HERC1: variants seen among roughly 807,000 people sequenced by gnomAD.
The protein encoded by HERC1 is probable E3 ubiquitin-protein ligase HERC1.
Under a neutral mutation model 554.3 loss-of-function variants are expected in HERC1, and 160 were observed. The ratio of observed to expected loss-of-function variants is 0.29; its 90% CI spans 0.25 to 0.33. The LOEUF is 0.33. Among genes scored for constraint, HERC1 ranks in the 10% least tolerant of loss-of-function variants. The pLI is 1.00. For missense variants in HERC1, 4,919 were observed against 5,918.5 expected, an observed-to-expected ratio of 0.83 and a Z score of 5.54; for synonymous variants, 2,175 against 2,131.7, an observed-to-expected ratio of 1.02 and a Z score of -0.56.
chr15:63,615,760 C>A lies in HERC1; in HGVS notation c.14094+8G>T. On this transcript the variant is annotated splice_region_variant and intron_variant, in intron 76 of 77. Coordinates refer to ENST00000443617, the MANE Select transcript of HERC1 (RefSeq NM_003922.4). ...TTCATGTGTACCTCCCGAGATGTTT[C>A]ATCTCACCTGTCTGTCCATCTCATG... The A allele has an allele frequency of 6.3e-7, 1 of 1,574,898 alleles. No individual in the cohort carries two copies. Among genetic ancestry groups the A allele is most frequent in the Non-Finnish European group, 8.6e-7 (1 of 1,164,584 alleles).
intron 1 of HERC1, among the ~76,000 whole-genome samples, chr15:63,823,958 A>G (rs78501477): frequency 0.011 from 1,611 of 152,326 alleles, 22 homozygotes; most frequent in African/African-American, 0.037. Context: ...ATAGCAAAAA[A>G]CAAAAATGAA....
At chr15:63,762,436 G>A (rs530295951) in intron 3 of HERC1, among the ~76,000 whole-genome samples, 1 of 152,206 alleles carries the variant, frequency 6.6e-6, no homozygotes, top group South Asian at 2.1e-4. Context: ...CAATTCTCCT[G>A]CCTCAGCCTC....
In HERC1 at chr15:63,634,010, C is replaced by T. The variant is rs757816023; in HGVS notation, c.12571-40G>A. 1.1e-5 allele frequency: 17 copies of T among 1,608,010 alleles called. 1 individual carries two copies. The South Asian group carries it at 1.9e-4, about 18-fold the overall frequency. ...GCATTCCGTAAGGCAAATCACAAGACCTAAAACACACTCCCCCGTTTCTGG... is the reference window on the plus strand; with the variant it reads ...GCATTCCGTAAGGCAAATCACAAGATCTAAAACACACTCCCCCGTTTCTGG... On this transcript the variant is annotated intron_variant, in intron 66 of 77. Transcript: ENST00000443617.
intron 1 of HERC1, among the ~76,000 whole-genome samples, chr15:63,817,139 C>T (rs1220790746): frequency 1.3e-5 from 2 of 149,764 alleles, no homozygotes; most frequent in Non-Finnish European, 3.0e-5. Flanking sequence ...TGAAGAGAGT[C>T]TAAAGATTTA....
At chr15:63,630,145 A>G (rs2068481774) in intron 69 of HERC1, among the ~76,000 whole-genome samples, 2 of 152,238 alleles carry the variant, frequency 1.3e-5, no homozygotes, top group African/African-American at 4.8e-5. Flanking sequence ...TGTTGACAGT[A>G]GCAAATCCTT....
chr15:63,624,313 A>G lies in HERC1; in HGVS notation c.13290T>C (p.His4430=). The G allele has an allele frequency of 6.2e-7, 1 of 1,610,112 alleles. No individual in the cohort carries two copies. Among genetic ancestry groups the G allele is most frequent in the Non-Finnish European group, 8.5e-7 (1 of 1,177,356 alleles). ...LSPNNQNSTS[H]YNAGTWGIVQ... ...CAATGCCCCAAGTTCCAGCATTATA[A>G]TGGGATGTGCTGTTCTGTAACAGAA... The change falls in exon 72 of 78, where the codon CAT becomes CAC. Residue 4430 remains histidine (H), a synonymous_variant. Coordinates refer to ENST00000443617, the MANE Select transcript of HERC1 (RefSeq NM_003922.4).
chr15:63,812,551 T>C (rs1219676906), intron 1 of HERC1, among the ~76,000 whole-genome samples: 3 of 152,176 alleles, frequency 2.0e-5, no homozygotes, highest in Non-Finnish European at 2.9e-5. Flanking sequence ...CATCTTGAAC[T>C]GTATCTAACT....
chr15:63,694,914 T>A lies in HERC1; in HGVS notation c.5122-20A>T. On this transcript the variant is annotated intron_variant, in intron 27 of 77. Transcript: ENST00000443617. The surrounding 1 kb of genome is among the most constrained non-coding windows in gnomAD (Gnocchi z 4.3). The stretch of plus-strand genomic sequence containing the variant: ...CCCATCCTGAATTACACATAAAGAA[T>A]TACTTTTTCTATTAGCAACAATAAT... 6.3e-7 allele frequency: 1 copy of A among 1,597,530 alleles called. No individual in the cohort carries two copies.
intron 62 of HERC1, 63 bp downstream of exon 62, chr15:63,638,648 C>A: frequency 6.3e-7 from 1 of 1,585,390 alleles, no homozygotes; most frequent in Non-Finnish European, 8.7e-7. Flanking sequence ...CACAAACACA[C>A]AAGCATTTAG....
At chr15:63,779,606 C>G (rs954803511) in intron 1 of HERC1, 1 of 152,190 alleles carries the variant, frequency 6.6e-6, no homozygotes, top group African/African-American at 2.4e-5. Flanking sequence ...GGATCTATTT[C>G]TGGATTCTCT....
chr15:63,615,159 CAGGACTAAGG>C (rs1201267833), intron 76 of HERC1, among the ~76,000 whole-genome samples: 1 of 152,074 alleles, frequency 6.6e-6, no homozygotes, highest in Non-Finnish European at 1.5e-5. Context: ...TGAGGACAAA[CAGGACTAAGG>C]AGGAGTAAGG....
In HERC1 at chr15:63,655,624, T is replaced by A. The variant is rs1263168230; in HGVS notation, c.10084+118A>T. 5.7e-6 allele frequency: 4 copies of A among 698,284 alleles called. No homozygotes were observed. The East Asian group carries it at 8.2e-5, about 14-fold the overall frequency. 43.3% of individuals were successfully genotyped at this position (698,284 alleles called of 1,614,324 possible). On this transcript the variant is annotated intron_variant, in intron 50 of 77. Transcript: ENST00000443617. The stretch of plus-strand genomic sequence containing the variant: ...AAAAAGTATCTATGCACTTCTTTTA[T>A]GTTCTAAACTTAAGAAACTCACGTC...
At chr15:63,743,063 T>A (rs940525774) in intron 12 of HERC1, among the ~76,000 whole-genome samples, 10 of 152,080 alleles carry the variant, frequency 6.6e-5, no homozygotes, top group Non-Finnish European at 1.2e-4. Context: ...TCTTAATCCT[T>A]CTTTAAATAT....
At chr15:63,619,973 T>G (rs550769874) in intron 74 of HERC1, among the ~76,000 whole-genome samples, 3 of 152,098 alleles carry the variant, frequency 2.0e-5, no homozygotes, top group African/African-American at 2.4e-5. Context: ...TTTTTGAAGG[T>G]TTTTTGTGTC....
At chr15:63,833,044 C>T (rs1454088549) in intron 1 of HERC1, among the ~76,000 whole-genome samples, 1 of 152,188 alleles carries the variant, frequency 6.6e-6, no homozygotes, top group African/African-American at 2.4e-5. Context: ...TACATAACCT[C>T]CTGGGAGAGG....
At chr15:63,678,744 A>G (rs1335466046) in intron 36 of HERC1, among the ~76,000 whole-genome samples, 2 of 152,202 alleles carry the variant, frequency 1.3e-5, no homozygotes, top group South Asian at 2.1e-4. Flanking sequence ...GACATTTTAC[A>G]TTGTTCAAGG....
At chr15:63,716,737 T>C (rs570373565) in intron 21 of HERC1, among the ~76,000 whole-genome samples, 9 of 152,316 alleles carry the variant, frequency 5.9e-5, no homozygotes, top group African/African-American at 2.2e-4. Context: ...ATATCTATAT[T>C]GCTATTCAGC....
At position 63,620,206 on chromosome 15, in the gene HERC1, T is replaced by C. The variant is rs570639216; in HGVS notation, c.13688+2609A>G. 1.9e-3 allele frequency among the ~76,000 whole-genome samples: 283 copies of C among 152,322 alleles called. 1 individual carries two copies. Among genetic ancestry groups the C allele is most frequent in the African/African-American group, 5.9e-3 (247 of 41,570 alleles). On this transcript the variant is annotated intron_variant, in intron 74 of 77. Transcript: ENST00000443617. Reference sequence around the variant, plus strand: ...CTGGTATGTTGTGTCTTTGTTCTCGTTGGTTTCAAAGAACATCTTCATTTC... The same window carrying C: ...CTGGTATGTTGTGTCTTTGTTCTCGCTGGTTTCAAAGAACATCTTCATTTC...
Position 63,640,125 on chromosome 15 carries a change from A to G in HERC1, c.11901+27T>C, listed in dbSNP as rs751695686. On this transcript the variant is annotated intron_variant, in intron 61 of 77. Transcript: ENST00000443617. ...TACCCATGATAAAATCTCAGCTGCA[A>G]ATAATAGCAGCTCACAGTACATTTA... 3.7e-6 allele frequency: 6 copies of G among 1,605,024 alleles called. No homozygotes were observed. The South Asian group carries it at 5.5e-5, about 15-fold the overall frequency.
Sources: gnomAD v4.1 joint callset for allele counts (sites outside exome capture counted in the v4.1 genomes callset) on GRCh38, gnomAD v4.1.1 for gene constraint, Gnocchi (gnomAD v3.1) non-coding constraint, MANE v1.5 for transcripts, NCBI Gene and HGNC (gene_info 2026-07-23, HGNC 2026-07-21) for gene names.